Variants in RIMS1 observed in about 807,000 individuals in gnomAD.
RIMS1 encodes regulating synaptic membrane exocytosis protein 1.
Under a neutral mutation model 214.1 loss-of-function variants are expected in RIMS1, and 83 were observed. The observed-to-expected ratio is 0.39, with a 90% CI of 0.32 to 0.47. RIMS1 has a LOEUF of 0.47. RIMS1 is among the 20% of genes least tolerant of loss of function. RIMS1 has a pLI of 0.99. For synonymous variants in RIMS1, 793 were observed against 786.8 expected, an observed-to-expected ratio of 1.01 and a Z score of -0.13; for missense variants, 2,050 against 2,161.8, an observed-to-expected ratio of 0.95 and a Z score of 1.03.
chr6:72,204,613 A>G (rs1226132088), intron 6 of RIMS1, among the ~76,000 whole-genome samples: 1 of 152,170 alleles, frequency 6.6e-6, no homozygotes, highest in Admixed American at 6.5e-5. Flanking sequence ...TGAATACCCA[A>G]TTTTATTCTT....
chr6:72,074,536 A>C (rs1831322113), intron 2 of RIMS1, among the ~76,000 whole-genome samples: 1 of 152,084 alleles, frequency 6.6e-6, no homozygotes, highest in Non-Finnish European at 1.5e-5. Context: ...GTGGTGGCCC[A>C]CACCTGTAGT....
chr6:72,112,501 A>G (rs537654029), intron 4 of RIMS1, among the ~76,000 whole-genome samples: 1 of 152,168 alleles, frequency 6.6e-6, no homozygotes, highest in African/African-American at 2.4e-5. Flanking sequence ...CCACACATAC[A>G]CACATCCTCT....
Position 72,271,285 on chromosome 6 carries a change from AAATATATATATATAT to A in RIMS1, c.3399-3062_3399-3048del, listed in dbSNP as rs1181125102. On this transcript the variant is annotated intron_variant, in intron 22 of 33. Transcript: ENST00000521978. ...CATCTCAAGGAAAAAAAAAAAAAAA[AAATATATATATATAT>A]ATATATATATATATATGTTAATTAA... 1.5e-3 allele frequency among the ~76,000 whole-genome samples: 35 copies of A among 22,904 alleles called. 1 individual carries two copies. Among genetic ancestry groups the A allele is most frequent in the Middle Eastern group, 0.042 (2 of 48 alleles). The allele number at this position is 22,904 out of a possible 152,430, so 15.0% of individuals were successfully genotyped here. A position where few individuals can be genotyped will look rare whatever the true frequency, so the allele number is the denominator to read the frequency against.
chr6:72,252,477 G>T (rs894550254), intron 15 of RIMS1, among the ~76,000 whole-genome samples: 2 of 152,026 alleles, frequency 1.3e-5, no homozygotes, highest in Admixed American at 6.6e-5. Context: ...TGTGCTGAAG[G>T]CTTTTAGTAT....
intron 4 of RIMS1, among the ~76,000 whole-genome samples, chr6:72,142,040 T>C (rs933169693): frequency 2.0e-5 from 3 of 152,072 alleles, no homozygotes; most frequent in African/African-American, 7.2e-5. Flanking sequence ...GCATTTGTCT[T>C]AGTTGCTAGT....
intron 4 of RIMS1, among the ~76,000 whole-genome samples, chr6:72,139,929 GAA>G (rs2041878192): frequency 6.6e-6 from 1 of 152,094 alleles, no homozygotes; most frequent in South Asian, 2.1e-4. Flanking sequence ...TAAGAGGCTT[GAA>G]GATTGATTTA....
chr6:72,120,785 G>A (rs1438088709), intron 4 of RIMS1, among the ~76,000 whole-genome samples: 1 of 151,754 alleles, frequency 6.6e-6, no homozygotes, highest in African/African-American at 2.4e-5. Context: ...TATGGTTTTA[G>A]GTCTAACATT....
intron 28 of RIMS1, among the ~76,000 whole-genome samples, chr6:72,330,159 G>A (rs945115584): frequency 6.6e-6 from 1 of 151,780 alleles, no homozygotes; most frequent in African/African-American, 2.4e-5. Flanking sequence ...TTCAAGACAA[G>A]GGAATCAAAT....
At chr6:72,335,914 A>T (rs530365188) in intron 29 of RIMS1, among the ~76,000 whole-genome samples, 1 of 151,748 alleles carries the variant, frequency 6.6e-6, no homozygotes, top group Non-Finnish European at 1.5e-5. Flanking sequence ...CCATTTTATG[A>T]TGGGGTTGTT....
intron 1 of RIMS1, among the ~76,000 whole-genome samples, chr6:71,961,285 A>G (rs1422312617): frequency 6.6e-6 from 1 of 152,108 alleles, no homozygotes; most frequent in Non-Finnish European, 1.5e-5. Flanking sequence ...TGTTTATTTC[A>G]TGTAATCTGC....
At chr6:72,183,569 G>T (rs1588685082) in intron 6 of RIMS1, among the ~76,000 whole-genome samples, 1 of 142,968 alleles carries the variant, frequency 7.0e-6, no homozygotes, top group African/African-American at 2.6e-5. Context: ...TGCAAAGGTA[G>T]TTTTTTTTTT....
At chr6:71,951,502 G>GTGTGTGTGTGACAGAGTC (rs1789544667) in intron 1 of RIMS1, among the ~76,000 whole-genome samples, 1 of 73,640 alleles carries the variant, frequency 1.4e-5, no homozygotes, top group African/African-American at 6.0e-5. Flanking sequence ...TTGTGTGTGT[G>GTGTGTGTGTGACAGAGTC]TGTGTGTGAC....
At chr6:72,234,879 C>G (rs2063425704) in intron 7 of RIMS1, among the ~76,000 whole-genome samples, 1 of 151,912 alleles carries the variant, frequency 6.6e-6, no homozygotes, top group African/African-American at 2.4e-5. Context: ...AGGTTCTTCC[C>G]TGTCTTTTTG....
At chr6:72,258,030 T>G in intron 16 of RIMS1, 95 bp from the exon 17 acceptor site, 1 of 1,130,742 alleles carries the variant, frequency 8.8e-7, no homozygotes, top group African/African-American at 1.5e-5. Flanking sequence ...TCTTCATAGA[T>G]CAATGGCTGC....
intron 1 of RIMS1, among the ~76,000 whole-genome samples, chr6:71,925,516 T>C (rs1000937757): frequency 2.6e-5 from 4 of 152,224 alleles, no homozygotes; most frequent in South Asian, 2.1e-4. Flanking sequence ...ATAAATGCAA[T>C]TGAGAACAAT....
At chr6:71,906,212 A>C (rs1157292580) in intron 1 of RIMS1, among the ~76,000 whole-genome samples, 3 of 152,162 alleles carry the variant, frequency 2.0e-5, no homozygotes, top group African/African-American at 7.2e-5. Flanking sequence ...AAACCTCCTA[A>C]CAGTTATTTT....
intron 1 of RIMS1, among the ~76,000 whole-genome samples, chr6:71,895,650 G>A (rs964782481): frequency 7.1e-6 from 1 of 140,344 alleles, no homozygotes; most frequent in Admixed American, 7.5e-5. Context: ...CTCCAGCCTG[G>A]GTGATAGAGC....
At chr6:72,192,535 C>G (rs1169818437) in intron 6 of RIMS1, among the ~76,000 whole-genome samples, 1 of 152,196 alleles carries the variant, frequency 6.6e-6, no homozygotes, top group Non-Finnish European at 1.5e-5. Flanking sequence ...CTTTTTTCCA[C>G]TCAACCTGGA....
chr6:72,333,564 T>C (rs934424528), intron 28 of RIMS1, 36 bp from the exon 29 acceptor site: 1 of 1,428,112 alleles, frequency 7.0e-7, no homozygotes. Context: ...ACCTGTAATT[T>C]ATGGATGCAT....
Sources: allele counts gnomAD v4.1 joint callset (sites outside exome capture counted in the v4.1 genomes callset), GRCh38; gene constraint gnomAD v4.1.1; transcripts MANE v1.5; gene names NCBI Gene and HGNC (gene_info 2026-07-23, HGNC 2026-07-21).